MYRIP: variants seen among roughly 807,000 people sequenced by gnomAD.
MYRIP encodes rab effector MyRIP.
Under a neutral mutation model 98.0 loss-of-function variants are expected in MYRIP, and 49 were observed. The ratio of observed to expected loss-of-function variants is 0.50; its 90% confidence interval spans 0.40 to 0.63. The LOEUF is 0.63. Among genes scored for constraint, MYRIP ranks in the 30% least tolerant of loss-of-function variants. MYRIP has a pLI of 0.00. For synonymous variants in MYRIP, 404 were observed against 409.5 expected, an observed-to-expected ratio of 0.99 and a Z score of 0.16; for missense variants, 1,004 against 1,058.2, an observed-to-expected ratio of 0.95 and a Z score of 0.71.
intron 3 of MYRIP, among the ~76,000 whole-genome samples, chr3:40,141,969 A>G (rs1043436359): frequency 4.7e-5 from 7 of 149,662 alleles, no homozygotes; most frequent in Non-Finnish European, 1.0e-4. Flanking sequence ...ATTTCTTTCT[A>G]TTTCAGTGAA....
At chr3:39,852,572 T>C (rs1942163951) in intron 1 of MYRIP, among the ~76,000 whole-genome samples, 1 of 151,456 alleles carries the variant, frequency 6.6e-6, no homozygotes, top group Non-Finnish European at 1.5e-5. Flanking sequence ...CAAAGTCCTT[T>C]ATATCATTCT....
intron 1 of MYRIP, among the ~76,000 whole-genome samples, chr3:39,851,881 G>A (rs777446269): frequency 5.3e-5 from 8 of 152,068 alleles, no homozygotes; most frequent in Non-Finnish European, 8.8e-5. Flanking sequence ...TAGAAAGGAA[G>A]GTTCTCTGCA....
At chr3:40,195,504 C>T (rs1951362251) in intron 10 of MYRIP, among the ~76,000 whole-genome samples, 1 of 152,094 alleles carries the variant, frequency 6.6e-6, no homozygotes, top group South Asian at 2.1e-4. Context: ...CCAGATTGCC[C>T]AGGCTGGTCT....
At chr3:40,096,391 C>T (rs1948836245) in intron 3 of MYRIP, among the ~76,000 whole-genome samples, 1 of 152,126 alleles carries the variant, frequency 6.6e-6, no homozygotes, top group Non-Finnish European at 1.5e-5. Flanking sequence ...CATCCTGAAT[C>T]CTCATTGTGT....
intron 9 of MYRIP, among the ~76,000 whole-genome samples, chr3:40,186,465 G>A (rs1951036867): frequency 6.6e-6 from 1 of 152,182 alleles, no homozygotes; most frequent in Non-Finnish European, 1.5e-5. Flanking sequence ...TGGCCACTGT[G>A]GGTGGCTGGA....
intron 2 of MYRIP, among the ~76,000 whole-genome samples, chr3:40,006,741 G>A (rs1362309433): frequency 2.6e-5 from 4 of 152,268 alleles, no homozygotes; most frequent in South Asian, 2.1e-4. Context: ...TGCAGTATTC[G>A]TCTTCTAGCA....
intron 12 of MYRIP, among the ~76,000 whole-genome samples, chr3:40,239,361 C>T (rs9284873): frequency 0.1 from 14,723 of 143,324 alleles, 1,741 homozygotes; most frequent in African/African-American, 0.3. Context: ...AGTGCCACAA[C>T]AAACATACGT....
intron 3 of MYRIP, among the ~76,000 whole-genome samples, chr3:40,132,665 ATGAGAGTACTAC>A (rs1211513266): frequency 5.3e-5 from 8 of 152,372 alleles, no homozygotes; most frequent in Admixed American, 5.2e-4. Context: ...CCCTGGGGGC[ATGAGAGTACTAC>A]CTAGCCTTTC....
chr3:40,153,811 G>A (rs12486603), intron 4 of MYRIP, among the ~76,000 whole-genome samples: 34,960 of 152,066 alleles, frequency 0.23, 4,559 homozygotes, highest in South Asian at 0.41. Flanking sequence ...CCTACAGAAC[G>A]TCTTCACTAT....
chr3:39,829,390 T>C (rs1941368912), intron 1 of MYRIP, among the ~76,000 whole-genome samples: 1 of 152,228 alleles, frequency 6.6e-6, no homozygotes, highest in South Asian at 2.1e-4. Context: ...GAAAGACTTA[T>C]TTGTATTGAT....
intron 2 of MYRIP, among the ~76,000 whole-genome samples, chr3:39,984,734 A>G (rs1344111738): frequency 6.6e-6 from 1 of 152,024 alleles, no homozygotes; most frequent in Non-Finnish European, 1.5e-5. Context: ...TCCTTTGGGT[A>G]TATACCCAGT....
intron 2 of MYRIP, among the ~76,000 whole-genome samples, chr3:39,999,851 A>G (rs1946473277): frequency 6.6e-6 from 1 of 152,152 alleles, no homozygotes; most frequent in Non-Finnish European, 1.5e-5. Context: ...CAGCCATAAA[A>G]AATGATGAGT....
chr3:39,835,066 T>G (rs1941580098), intron 1 of MYRIP, among the ~76,000 whole-genome samples: 1 of 152,132 alleles, frequency 6.6e-6, no homozygotes, highest in South Asian at 2.1e-4. Context: ...GATGAATTCC[T>G]TAAAAACCAC....
rs565292885 is a variant in MYRIP at position 39,999,696 on chromosome 3, A to G, written c.111-44354A>G. Among the ~76,000 whole-genome samples, 3 of 152,328 alleles carry G rather than the reference A, an allele frequency of 2.0e-5. No individual in the cohort carries two copies. The East Asian group carries it at 5.8e-4, about 29-fold the overall frequency. On this transcript the variant is annotated intron_variant, in intron 2 of 16. Coordinates refer to ENST00000302541, the MANE Select transcript of MYRIP (RefSeq NM_015460.4). ...ACTGGGTATATACCTAAAGGATTATAAAACATGCTGCTATAAAGACACATG... is the reference window on the plus strand; with the variant it reads ...ACTGGGTATATACCTAAAGGATTATGAAACATGCTGCTATAAAGACACATG...
At chr3:40,203,474 T>C (rs967920114) in intron 10 of MYRIP, among the ~76,000 whole-genome samples, 1 of 151,562 alleles carries the variant, frequency 6.6e-6, no homozygotes, top group African/African-American at 2.4e-5. Context: ...CTTTTTTAGG[T>C]GATCAATGAG....
At chr3:39,814,172 A>G (rs1940794515) in intron 1 of MYRIP, among the ~76,000 whole-genome samples, 1 of 152,194 alleles carries the variant, frequency 6.6e-6, no homozygotes, top group Non-Finnish European at 1.5e-5. Context: ...GCTTAAATCA[A>G]CATTCATCTG....
At chr3:39,883,517 A>G (rs148902629) in intron 1 of MYRIP, among the ~76,000 whole-genome samples, 207 of 152,292 alleles carry the variant, frequency 1.4e-3, no homozygotes, top group Non-Finnish European at 2.7e-3. Context: ...ATGTTACTAC[A>G]TTTAAGGAGA....
intron 1 of MYRIP, among the ~76,000 whole-genome samples, chr3:39,882,775 GTTTGCTATTACATACT>G (rs1559508144): frequency 6.6e-6 from 1 of 152,068 alleles, no homozygotes; most frequent in Non-Finnish European, 1.5e-5. Flanking sequence ...AATATGGTAT[GTTTGCTATTACATACT>G]TTGAATTAGG....
chr3:40,182,453 ACT>A (rs1469008404), intron 9 of MYRIP, 80 bp downstream of exon 9: 1 of 1,473,202 alleles, frequency 6.8e-7, no homozygotes, highest in African/African-American at 1.4e-5. Context: ...TTGCATGGCC[ACT>A]CTGCTCTTCT....
Sources: allele counts gnomAD v4.1 joint callset (sites outside exome capture counted in the v4.1 genomes callset), GRCh38; gene constraint gnomAD v4.1.1; transcripts MANE v1.5; gene names NCBI Gene and HGNC (gene_info 2026-07-23, HGNC 2026-07-21).